TTC28: variants seen among roughly 807,000 people sequenced by gnomAD.
TTC28 encodes the protein tetratricopeptide repeat domain 28, also known as tetratricopeptide repeat protein 28.
Under a neutral mutation model 198.0 loss-of-function variants are expected in TTC28, and 61 were observed. The ratio of observed to expected loss-of-function variants is 0.31; its 90% CI spans 0.25 to 0.38. The LOEUF (loss-of-function observed/expected upper bound fraction) is 0.38. Among genes scored for constraint, TTC28 ranks in the 10% least tolerant of loss-of-function variants. TTC28 has a pLI of 1.00. For missense variants in TTC28, 2,678 were observed against 3,164.0 expected (o/e 0.85, Z 3.69); for synonymous variants, 1,171 against 1,297.8 (o/e 0.90, Z 2.10).
chr22:28,486,295 A>G (rs1297760875), intron 2 of TTC28, among the ~76,000 whole-genome samples: 1 of 152,172 alleles, frequency 6.6e-6, no homozygotes, highest in East Asian at 1.9e-4. Flanking sequence ...AGAAAAGAGA[A>G]GGTATAATAA....
chr22:28,275,282 A>G (rs1253955998), intron 5 of TTC28, among the ~76,000 whole-genome samples: 1 of 152,232 alleles, frequency 6.6e-6, no homozygotes, highest in African/African-American at 2.4e-5. Context: ...TTCACCTGAA[A>G]TAAGGAGAGA....
intron 5 of TTC28, among the ~76,000 whole-genome samples, chr22:28,225,119 T>A (rs1449470829): frequency 6.6e-6 from 1 of 150,624 alleles, no homozygotes; most frequent in Admixed American, 6.6e-5. Context: ...TCACCTGTAA[T>A]CCCAGCACTT....
At position 28,425,879 on chromosome 22, in the gene TTC28, T is replaced by C. The variant is rs151109767; in HGVS notation, c.382-119236A>G. 5.9e-5 allele frequency among the ~76,000 whole-genome samples: 9 copies of C among 152,300 alleles called. No individual in the cohort carries two copies. The East Asian group carries it at 1.7e-3, about 29-fold the overall frequency. ...CTCCCTCGAGGTCCATTTACTTTGATAGTGGCTGTCATCATCTCACTAGCA... is the reference window on the plus strand; with the variant it reads ...CTCCCTCGAGGTCCATTTACTTTGACAGTGGCTGTCATCATCTCACTAGCA... On this transcript the variant is annotated intron_variant, in intron 2 of 22. Transcript: ENST00000397906.
chr22:28,119,677 T>G (rs1256174284), intron 6 of TTC28, among the ~76,000 whole-genome samples: 1 of 152,170 alleles, frequency 6.6e-6, no homozygotes, highest in East Asian at 1.9e-4. Context: ...CTTCACCATG[T>G]GGGAAAATCC....
chr22:28,268,836 A>G, intron 5 of TTC28, among the ~76,000 whole-genome samples: 1 of 152,110 alleles, frequency 6.6e-6, no homozygotes, highest in Admixed American at 6.5e-5. Flanking sequence ...ATGCAGAAAT[A>G]TTTCCTCTTC....
intron 2 of TTC28, among the ~76,000 whole-genome samples, chr22:28,600,585 G>A (rs936787417): frequency 6.6e-6 from 1 of 152,056 alleles, no homozygotes; most frequent in Non-Finnish European, 1.5e-5. Context: ...AAAATAATGA[G>A]ATTGGATAAT....
At chr22:28,269,590 T>G (rs1431561736) in intron 5 of TTC28, among the ~76,000 whole-genome samples, 1 of 152,182 alleles carries the variant, frequency 6.6e-6, no homozygotes, top group Non-Finnish European at 1.5e-5. Context: ...AAAATATCAA[T>G]TTTACTTGAT....
At chr22:28,571,640 G>A (rs2050061343) in intron 2 of TTC28, among the ~76,000 whole-genome samples, 1 of 152,114 alleles carries the variant, frequency 6.6e-6, no homozygotes, top group Admixed American at 6.6e-5. Flanking sequence ...ATATTATGTA[G>A]TAACGGTTAA....
intron 2 of TTC28, among the ~76,000 whole-genome samples, chr22:28,420,565 C>CA (rs4035770): frequency 0.056 from 5,502 of 97,862 alleles, 152 homozygotes; most frequent in African/African-American, 0.088. Context: ...CTAAAAAATG[C>CA]AAAAAAAAAA....
In TTC28 at chr22:28,676,095, A is replaced by G. The variant is rs185122926; in HGVS notation, c.102+3527T>C. 3.0e-3 allele frequency among the ~76,000 whole-genome samples: 446 copies of G among 148,224 alleles called. 1 individual carries two copies. The highest frequency in any genetic ancestry group is 4.2e-3 in the Non-Finnish European group (279 of 66,796). ...TAGCAGCATTATTCATAATAGCCGA[A>G]AATTGGAAAAAAAAACTCACGTGCC... On this transcript the variant is annotated intron_variant, in intron 1 of 22. Coordinates refer to ENST00000397906, the MANE Select transcript of TTC28 (RefSeq NM_001145418.2).
intron 13 of TTC28, 43 bp downstream of exon 13, chr22:28,030,183 A>G: frequency 1.3e-6 from 2 of 1,548,824 alleles, no homozygotes; most frequent in Non-Finnish European, 1.7e-6. Flanking sequence ...TGCTCAGAGC[A>G]CCCTGCCCTG....
chr22:28,554,179 G>T (rs1464553620), intron 2 of TTC28, among the ~76,000 whole-genome samples: 1 of 152,108 alleles, frequency 6.6e-6, no homozygotes, highest in African/African-American at 2.4e-5. Flanking sequence ...AAGGCAGCAT[G>T]CTGGTTAAGA....
At chr22:28,397,481 A>G (rs2046836229) in intron 2 of TTC28, among the ~76,000 whole-genome samples, 1 of 152,244 alleles carries the variant, frequency 6.6e-6, no homozygotes, top group Admixed American at 6.5e-5. Flanking sequence ...TCCTAATTAC[A>G]TGAGACAGCA....
chr22:28,491,078 T>C (rs753132762), intron 2 of TTC28, among the ~76,000 whole-genome samples: 2 of 152,178 alleles, frequency 1.3e-5, no homozygotes, highest in African/African-American at 2.4e-5. Flanking sequence ...ATCTAGGAAA[T>C]CTTCAACTTT....
chr22:28,427,953 T>C (rs1215774289), intron 2 of TTC28, among the ~76,000 whole-genome samples: 1 of 152,172 alleles, frequency 6.6e-6, no homozygotes, highest in Non-Finnish European at 1.5e-5. Flanking sequence ...ACACCTCTTC[T>C]AAACTTTTTT....
At chr22:28,385,588 T>C (rs1229328396) in intron 2 of TTC28, among the ~76,000 whole-genome samples, 1 of 151,852 alleles carries the variant, frequency 6.6e-6, no homozygotes, top group Non-Finnish European at 1.5e-5. Flanking sequence ...ATATAAAATA[T>C]ATAATTTTAT....
intron 2 of TTC28, among the ~76,000 whole-genome samples, chr22:28,452,900 G>A (rs1248989115): frequency 1.3e-5 from 2 of 152,176 alleles, no homozygotes; most frequent in African/African-American, 2.4e-5. Flanking sequence ...AACATTGAAT[G>A]TAAAGCAAGT....
At chr22:28,414,081 T>C (rs2047130405) in intron 2 of TTC28, among the ~76,000 whole-genome samples, 1 of 152,238 alleles carries the variant, frequency 6.6e-6, no homozygotes, top group African/African-American at 2.4e-5. Context: ...TGTCAATCAT[T>C]AATATGTCAC....
chr22:28,116,170 T>G (rs1276746623), intron 6 of TTC28, among the ~76,000 whole-genome samples: 1 of 152,052 alleles, frequency 6.6e-6, no homozygotes, highest in African/African-American at 2.4e-5. Flanking sequence ...CCCAAAGGCT[T>G]GGGCTGAATG....
Sources: allele counts gnomAD v4.1 joint callset (sites outside exome capture counted in the v4.1 genomes callset), GRCh38; gene constraint gnomAD v4.1.1; transcripts MANE v1.5; gene names NCBI Gene and HGNC (gene_info 2026-07-23, HGNC 2026-07-21).